The following GPHN variants were observed in gnomAD, a reference collection of about 807,000 sequenced individuals.
GPHN encodes gephyrin.
In GPHN, 17 loss-of-function variants were observed where a neutral mutation model predicts 95.5. The ratio of observed to expected loss-of-function variants is 0.18; its 90% CI spans 0.12 to 0.27. The LOEUF is 0.27. Ranked by LOEUF, GPHN falls within the 10% of genes least tolerant of loss-of-function variation. The probability of loss-of-function intolerance (pLI) is 1.00; values close to 1 mark genes in which losing one functional copy is unlikely to be tolerated. For synonymous variants in GPHN, 320 were observed against 322.5 expected (o/e 0.99, Z 0.08); for missense variants, 660 against 978.1 (o/e 0.67, Z 4.34).
intron 12 of GPHN, 113 bp downstream of exon 12, chr14:67,089,188 C>A (rs1474684467): frequency 1.5e-5 from 9 of 590,056 alleles, no homozygotes; most frequent in Admixed American, 6.0e-5. Flanking sequence ...AAGCACCCAG[C>A]AACTGTTAGG....
chr14:67,121,514 C>T (rs1295754983), intron 16 of GPHN, among the ~76,000 whole-genome samples: 3 of 152,066 alleles, frequency 2.0e-5, no homozygotes, highest in African/African-American at 7.2e-5. Flanking sequence ...GAGAAAATTA[C>T]GACAAAGAAT....
At chr14:66,510,236 C>T (rs2057989757) in intron 1 of GPHN, among the ~76,000 whole-genome samples, 2 of 152,172 alleles carry the variant, frequency 1.3e-5, no homozygotes, top group African/African-American at 2.4e-5. Context: ...CCTCAACTTG[C>T]ACTTTAAATT....
chr14:66,876,869 G>A (rs1464726046), intron 4 of GPHN, among the ~76,000 whole-genome samples: 1 of 152,082 alleles, frequency 6.6e-6, no homozygotes, highest in African/African-American at 2.4e-5. Flanking sequence ...AACAGAAAAA[G>A]AGGGAATCCT....
chr14:66,582,844 T>G (rs2061248419), intron 1 of GPHN, among the ~76,000 whole-genome samples: 1 of 152,150 alleles, frequency 6.6e-6, no homozygotes, highest in Admixed American at 6.5e-5. Flanking sequence ...GCAATAAACA[T>G]ACATGTGCAT....
chr14:67,108,427 T>A (rs866271554), intron 13 of GPHN, among the ~76,000 whole-genome samples: 2 of 152,206 alleles, frequency 1.3e-5, no homozygotes, highest in Middle Eastern at 3.2e-3. Flanking sequence ...GGTCAGCTTC[T>A]GGACCACAGC....
At chr14:67,677,363 A>ATTTTTTTTTTTTTTTTTTTTTTTTTTTT in the GPHN span, 1 of 31,968 alleles carries the variant, frequency 3.1e-5, no homozygotes. Context: ...TGTTTTTAGG[A>ATTTTTTTTTTTTTTTTTTTTTTTTTTTT]TTTTTTTTTT....
At chr14:67,619,985 T>C in the GPHN span, 45 of 1,601,982 alleles carry the variant, frequency 2.8e-5, no homozygotes, top group Non-Finnish European at 3.7e-5. Context: ...ATCATGTCCC[T>C]AAGGGGCAGC....
intron 2 of GPHN, among the ~76,000 whole-genome samples, chr14:66,706,929 T>TTTGCA (rs2069128750): frequency 1.3e-5 from 2 of 151,938 alleles, no homozygotes; most frequent in South Asian, 4.1e-4. Context: ...AAAGGTCTAA[T>TTTGCA]ATCCAGAATT....
intron 1 of GPHN, among the ~76,000 whole-genome samples, chr14:66,673,506 C>T (rs1247367456): frequency 1.3e-5 from 2 of 152,218 alleles, no homozygotes; most frequent in Non-Finnish European, 2.9e-5. Context: ...TTCCTCTCTT[C>T]CACGCAGTGT....
the GPHN span, among the ~76,000 whole-genome samples, chr14:67,732,732 A>G: frequency 6.6e-6 from 1 of 152,110 alleles, no homozygotes; most frequent in Admixed American, 6.5e-5. Flanking sequence ...GCCCACCACC[A>G]CACCCGGCTA....
chr14:67,476,465 T>A, the GPHN span, among the ~76,000 whole-genome samples: 1 of 152,098 alleles, frequency 6.6e-6, no homozygotes, highest in Non-Finnish European at 1.5e-5. Context: ...CATGCACCTG[T>A]AGTCTCAGCT....
the GPHN span, among the ~76,000 whole-genome samples, chr14:67,707,832 C>G: frequency 6.6e-6 from 1 of 152,122 alleles, no homozygotes; most frequent in Non-Finnish European, 1.5e-5. Context: ...CTGGGCCTGT[C>G]AGAAAGTGAC....
intron 1 of GPHN, among the ~76,000 whole-genome samples, chr14:66,622,815 A>G (rs1035628931): frequency 6.6e-6 from 1 of 152,134 alleles, no homozygotes; most frequent in African/African-American, 2.4e-5. Context: ...TCATATCACT[A>G]TCAGCATTTT....
intron 1 of GPHN, among the ~76,000 whole-genome samples, chr14:66,623,855 C>G (rs1190584299): frequency 1.3e-5 from 2 of 152,046 alleles, no homozygotes; most frequent in African/African-American, 2.4e-5. Flanking sequence ...AAAGCTGAAC[C>G]CAGGGCTTGC....
the GPHN span, among the ~76,000 whole-genome samples, chr14:67,243,337 G>A: frequency 6.6e-6 from 1 of 151,458 alleles, no homozygotes; most frequent in Non-Finnish European, 1.5e-5. Context: ...ACAGGTGCTC[G>A]CCACCACACC....
At chr14:67,244,405 C>T in the GPHN span, among the ~76,000 whole-genome samples, 2 of 152,222 alleles carry the variant, frequency 1.3e-5, no homozygotes, top group Admixed American at 1.3e-4. Context: ...TTCTTGCCCA[C>T]ACTGGGCATC....
chr14:67,178,746 A>G (rs1369237912), intron 21 of GPHN, among the ~76,000 whole-genome samples: 1 of 152,198 alleles, frequency 6.6e-6, no homozygotes, highest in Non-Finnish European at 1.5e-5. Flanking sequence ...AAGGTCTCCA[A>G]ATGTATTCAA....
At chr14:67,356,757 G>C in the GPHN span, among the ~76,000 whole-genome samples, 8 of 152,172 alleles carry the variant, frequency 5.3e-5, no homozygotes. Context: ...ATCACTGGCT[G>C]ACTCTGCACT....
intron 2 of GPHN, among the ~76,000 whole-genome samples, chr14:66,773,649 A>G (rs1002198310): frequency 3.3e-5 from 5 of 151,842 alleles, no homozygotes; most frequent in African/African-American, 1.2e-4. Flanking sequence ...ACCGCACCAG[A>G]TGATTTGGGG....
Sources: allele counts gnomAD v4.1 joint callset (sites outside exome capture counted in the v4.1 genomes callset), GRCh38; gene constraint gnomAD v4.1.1; transcripts MANE v1.5; gene names NCBI Gene and HGNC (gene_info 2026-07-23, HGNC 2026-07-21).